The following VASH1 variants were observed in gnomAD, a reference collection of about 807,000 sequenced individuals.
VASH1 encodes vasohibin 1, also known as tubulinyl-Tyr carboxypeptidase 1.
A neutral mutation model predicts 35.0 loss-of-function variants in VASH1; 16 were observed. The observed-to-expected ratio is 0.46, with a 90% CI of 0.31 to 0.70. The LOEUF (loss-of-function observed/expected upper bound fraction) is 0.70. Ranked by LOEUF, VASH1 falls within the 30% of genes least tolerant of loss-of-function variation. The pLI, the probability that VASH1 is intolerant of heterozygous loss-of-function variation, is 0.05. For synonymous variants in VASH1, 214 were observed against 200.9 expected (o/e 1.07, Z -0.55); for missense variants, 505 against 510.7 (o/e 0.99, Z 0.11).
At position 76,771,254 on chromosome 14, in the gene VASH1, T is replaced by A; in HGVS notation, c.455+8T>A. 6.3e-7 allele frequency: 1 copy of A among 1,597,816 alleles called. No individual in the cohort carries two copies. On this transcript the variant is annotated splice_region_variant and intron_variant, in intron 3 of 6. Transcript: ENST00000167106. ...GAGCAGACCTCTGACAGGGTAAGTATGGGGAGGCCAGTCCTCTGCCCCAGG... is the reference window on the plus strand; with the variant it reads ...GAGCAGACCTCTGACAGGGTAAGTAAGGGGAGGCCAGTCCTCTGCCCCAGG...
intron 1 of VASH1, among the ~76,000 whole-genome samples, chr14:76,765,858 G>C (rs188864605): frequency 7.2e-5 from 11 of 152,288 alleles, no homozygotes; most frequent in African/African-American, 2.2e-4. Context: ...CCCCGTGTAT[G>C]TTACTTGCCC....
At chr14:76,767,026 C>G (rs546071289) in intron 1 of VASH1, among the ~76,000 whole-genome samples, 27 of 152,138 alleles carry the variant, frequency 1.8e-4, no homozygotes, top group African/African-American at 6.5e-4. Flanking sequence ...AGGTGGATCA[C>G]TTGAGGTCAG....
intron 5 of VASH1, among the ~76,000 whole-genome samples, chr14:76,777,676 G>T (rs1306558124): frequency 6.6e-6 from 1 of 152,222 alleles, no homozygotes; most frequent in Non-Finnish European, 1.5e-5. Context: ...CCTGGCCTTT[G>T]TTGGGGACTT....
intron 3 of VASH1, 106 bp from the exon 4 acceptor site, chr14:76,773,031 G>A: frequency 1.8e-6 from 2 of 1,094,514 alleles, no homozygotes; most frequent in Non-Finnish European, 2.6e-6. Context: ...TTAGGGGGCA[G>A]CCTCTGTCCT....
rs1894049445 is a variant in VASH1 at position 76,779,652 on chromosome 14, T to C, written c.*634T>C. ...AGCCTTCAGGCCCTTGAGGCCCCCA[T>C]GGGCAGTGCTGTGTGGGCAGAGGAG... On this transcript the variant is annotated 3_prime_UTR_variant, in exon 7 of 7. Transcript: ENST00000167106. 1.6e-6 allele frequency: 1 copy of C among 607,110 alleles called. No homozygotes were observed. The highest frequency in any genetic ancestry group is 2.7e-4 in the Middle Eastern group (1 of 3,770). 37.6% of individuals were successfully genotyped at this position (607,110 alleles called of 1,614,324 possible). A position where few individuals can be genotyped will look rare whatever the true frequency, so the allele number is the denominator to read the frequency against.
intron 3 of VASH1, 129 bp downstream of exon 3, chr14:76,771,375 G>C: frequency 1.2e-6 from 1 of 830,480 alleles, no homozygotes; most frequent in Non-Finnish European, 1.7e-6. Context: ...AGCCTTTGGG[G>C]GCAGGTGCCA....
At chr14:76,764,237 C>G (rs543101535) in intron 1 of VASH1, among the ~76,000 whole-genome samples, 1 of 152,164 alleles carries the variant, frequency 6.6e-6, no homozygotes, top group Non-Finnish European at 1.5e-5. Context: ...CAGAAAGTGT[C>G]TTCTGGGAAA....
intron 1 of VASH1, among the ~76,000 whole-genome samples, chr14:76,769,050 A>G (rs1893720377): frequency 6.6e-6 from 1 of 152,190 alleles, no homozygotes; most frequent in South Asian, 2.1e-4. Flanking sequence ...AAACTGCCAG[A>G]TCCGGGCTCC....
At chr14:76,775,812 C>T in intron 4 of VASH1, 80 bp from the exon 5 acceptor site, 3 of 1,471,664 alleles carry the variant, frequency 2.0e-6, no homozygotes, top group South Asian at 2.8e-5. Flanking sequence ...GCGTGGACCC[C>T]GTGGCTCCCG....
At chr14:76,776,611 C>G (rs1893953042) in intron 5 of VASH1, among the ~76,000 whole-genome samples, 1 of 152,110 alleles carries the variant, frequency 6.6e-6, no homozygotes, top group Admixed American at 6.5e-5. Flanking sequence ...TGCCCCCCAA[C>G]CCTAGCAACC....
intron 4 of VASH1, 154 bp downstream of exon 4, chr14:76,773,365 GTGGAAGAA>G: frequency 1.4e-6 from 1 of 722,604 alleles, no homozygotes; most frequent in Non-Finnish European, 2.2e-6. Flanking sequence ...CCCCACTAAA[GTGGAAGAA>G]CCCCCCAAAA....
chr14:76,775,319 C>G (rs1247580843), intron 4 of VASH1, among the ~76,000 whole-genome samples: 1 of 151,898 alleles, frequency 6.6e-6, no homozygotes, highest in African/African-American at 2.4e-5. Flanking sequence ...TGGGAGGCCC[C>G]GGGGGCTGGA....
At position 76,775,921 on chromosome 14, in the gene VASH1, A is replaced by G; in HGVS notation, c.560A>G (p.Glu187Gly). Residue 187 changes from glutamate to glycine, a missense_variant, in exon 5 of 7, where the codon GAG (glutamate) becomes GGG (glycine). Glu to Gly is a moderately conservative substitution (Grantham distance 98). Coordinates refer to ENST00000167106, the MANE Select transcript of VASH1 (RefSeq NM_014909.5). Reference sequence around the variant, plus strand: ...CTCACCAACAGCATGCCCACCCTGGAGCGCTTCCCCATCAGCTTCAAGACC... The same window carrying G: ...CTCACCAACAGCATGCCCACCCTGGGGCGCTTCCCCATCAGCTTCAAGACC... The part of the protein sequence containing the change: ...IYLTNSMPTL[E>G]RFPISFKTYF... The G allele has an allele frequency of 6.3e-7, 1 of 1,598,504 alleles. No homozygotes were observed. The highest frequency in any genetic ancestry group is 8.5e-7 in the Non-Finnish European group (1 of 1,172,346).
rs376398531 is a variant in VASH1, at chr14:76,773,708, C to T, written c.530+497C>T. On this transcript the variant is annotated intron_variant, in intron 4 of 6. Transcript: ENST00000167106. ...TCCAACCCAAAGGGCAGAAGTGGGGCCTGTAGCTGAGTCACCAGGGTAGCC... is the reference window on the plus strand; with the variant it reads ...TCCAACCCAAAGGGCAGAAGTGGGGTCTGTAGCTGAGTCACCAGGGTAGCC... The T allele has an allele frequency of 6.0e-4, 95 of 158,164 alleles. 1 individual carries two copies. Among genetic ancestry groups the T allele is most frequent in the African/African-American group, 2.2e-3 (91 of 41,722 alleles). The allele number at this position is 158,164 out of a possible 1,614,324, so 9.8% of individuals were successfully genotyped here.
intron 1 of VASH1, among the ~76,000 whole-genome samples, chr14:76,765,264 A>G (rs1050687445): frequency 3.3e-5 from 5 of 152,186 alleles, no homozygotes; most frequent in African/African-American, 1.2e-4. Context: ...GTCCTCATGT[A>G]CAGGAAAGAC....
chr14:76,777,864 C>T (rs1238201329), intron 5 of VASH1, 95 bp from the exon 6 acceptor site: 1 of 949,280 alleles, frequency 1.1e-6, no homozygotes, highest in Non-Finnish European at 1.5e-6. Context: ...GGGCCTTCCC[C>T]AGGGCAGCCT....
intron 1 of VASH1, among the ~76,000 whole-genome samples, chr14:76,767,592 C>T (rs1050436749): frequency 2.6e-5 from 4 of 152,222 alleles, no homozygotes; most frequent in Admixed American, 6.5e-5. Flanking sequence ...CTTAAACCCA[C>T]CACTCAACAG....
chr14:76,767,461 T>G (rs1893675166), intron 1 of VASH1, among the ~76,000 whole-genome samples: 1 of 151,996 alleles, frequency 6.6e-6, no homozygotes, highest in South Asian at 2.1e-4. Flanking sequence ...AGTGAGAATG[T>G]CTCTGTAGAA....
At position 76,765,280 on chromosome 14, in the gene VASH1, T is replaced by G. The variant is rs568862917; in HGVS notation, c.309+2150T>G. Among the ~76,000 whole-genome samples, 4 of 152,214 alleles carry G rather than the reference T, an allele frequency of 2.6e-5. No individual in the cohort carries two copies. In the East Asian group the frequency reaches 7.7e-4, roughly 29 times the overall value. ...TCCTCATGTACAGGAAAGACACGGA[T>G]GAAGGAAGTCTAGGGGTGGGGGCTG... On this transcript the variant is annotated intron_variant, in intron 1 of 6. Coordinates refer to ENST00000167106, the MANE Select transcript of VASH1 (RefSeq NM_014909.5).
Sources: gnomAD v4.1 joint callset for allele counts (sites outside exome capture counted in the v4.1 genomes callset) on GRCh38, gnomAD v4.1.1 for gene constraint, MANE v1.5 for transcripts, NCBI Gene and HGNC (gene_info 2026-07-23, HGNC 2026-07-21) for gene names.